Variants in SNRNP70 observed in about 807,000 individuals in gnomAD.
SNRNP70 encodes the protein small nuclear ribonucleoprotein U1 subunit 70.
SNRNP70 carries 8 observed loss-of-function variants against 50.5 expected under a neutral mutation model. That is an observed-to-expected ratio of 0.16 (90% CI 0.09 to 0.29). SNRNP70 has a LOEUF of 0.29. SNRNP70 is among the 10% of genes least tolerant of loss of function. The pLI is 1.00. For missense variants in SNRNP70, 529 were observed against 663.5 expected (o/e 0.80, Z 2.23); for synonymous variants, 320 against 252.9 (o/e 1.27, Z -2.52).
At chr19:49,091,628 T>C (rs540904422) in intron 4 of SNRNP70, among the ~76,000 whole-genome samples, 2 of 152,274 alleles carry the variant, frequency 1.3e-5, no homozygotes, top group Admixed American at 6.5e-5. Context: ...ATGACTCTAG[T>C]GAGAAGACAG....
chr19:49,108,599 T>G lies in SNRNP70; in HGVS notation c.*156T>G. ...GGATTTAAAAATAAAATTAATTTCC[T>G]GTTGATAGTGGGCACCTCGGTTTCT... is the stretch of plus-strand genomic sequence containing the variant. On this transcript the variant is annotated 3_prime_UTR_variant, in exon 10 of 10. Coordinates refer to ENST00000598441, the MANE Select transcript of SNRNP70 (RefSeq NM_003089.6). 1.0e-6 allele frequency: 1 copy of G among 985,210 alleles called. No homozygotes were observed. The highest frequency in any genetic ancestry group is 1.7e-5 in the South Asian group (1 of 57,974). The allele number at this position is 985,210 out of a possible 1,614,324, so 61.0% of individuals were successfully genotyped here. A position where few individuals can be genotyped will look rare whatever the true frequency, so the allele number is the denominator to read the frequency against.
At position 49,104,625 on chromosome 19, in the gene SNRNP70, C is replaced by G. The variant is rs1568423028; in HGVS notation, c.476-9C>G. 1.9e-6 allele frequency: 3 copies of G among 1,551,356 alleles called. No homozygotes were observed. Among genetic ancestry groups the G allele is most frequent in the Non-Finnish European group, 2.6e-6 (3 of 1,146,680 alleles). ...TCCTCTCCCCTCCCCCTCCCCACAT[C>G]TGTTACAGCCGCTTACAAACACGCA... On this transcript the variant is annotated splice_polypyrimidine_tract_variant and intron_variant, in intron 7 of 9. Transcript: ENST00000598441. This position sits in a 1 kb window ranked among gnomAD's most constrained non-coding sequence, Gnocchi z 5.4.
intron 7 of SNRNP70, chr19:49,102,282 G>A (rs1199153750): frequency 1.6e-5 from 11 of 699,922 alleles, no homozygotes; most frequent in African/African-American, 5.6e-5. Context: ...CACCCCAGTC[G>A]CCCCCGTAGC....
At position 49,108,472 on chromosome 19, in the gene SNRNP70, T is replaced by C. The variant is rs749587517; in HGVS notation, c.*29T>C. 38 of 1,563,604 alleles carry C rather than the reference T, an allele frequency of 2.4e-5. No individual in the cohort carries two copies. Among genetic ancestry groups the C allele is most frequent in the Non-Finnish European group, 3.2e-5 (37 of 1,155,554 alleles). On this transcript the variant is annotated 3_prime_UTR_variant, in exon 10 of 10. Coordinates refer to ENST00000598441, the MANE Select transcript of SNRNP70 (RefSeq NM_003089.6). ...GGTCGTCCTCTCCATCTGCTGTGTT[T>C]GGACGCGTTCCTGCCCAGCCCCTTG...
At chr19:49,097,124 C>G (rs1568420056) in intron 4 of SNRNP70, among the ~76,000 whole-genome samples, 1 of 145,558 alleles carries the variant, frequency 6.9e-6, no homozygotes, top group Non-Finnish European at 1.5e-5. Flanking sequence ...GAGCAAGACT[C>G]TGTTTAAAAA....
At chr19:49,102,157 C>A in intron 7 of SNRNP70, 1 of 1,289,580 alleles carries the variant, frequency 7.8e-7, no homozygotes, top group Non-Finnish European at 1.0e-6. Flanking sequence ...GCTCCCCTTA[C>A]AACACCTCAG....
chr19:49,101,615 T>A, intron 7 of SNRNP70, 144 bp downstream of exon 7: 1 of 619,856 alleles, frequency 1.6e-6, no homozygotes, highest in Non-Finnish European at 2.9e-6. Flanking sequence ...TTCTGATGTA[T>A]CTTTTTTTTT....
chr19:49,105,632 C>T (rs1272976795), intron 8 of SNRNP70, among the ~76,000 whole-genome samples: 4 of 151,922 alleles, frequency 2.6e-5, no homozygotes, highest in African/African-American at 9.7e-5. Flanking sequence ...GAGGCTGAGG[C>T]AGAGAATTGC....
intron 6 of SNRNP70, among the ~76,000 whole-genome samples, chr19:49,100,883 GTCC>G (rs1337193893): frequency 3.3e-5 from 5 of 150,208 alleles, no homozygotes; most frequent in African/African-American, 9.8e-5. Flanking sequence ...TTCCATTTGT[GTCC>G]TCCTGACTCC....
rs1419262736 is a variant in SNRNP70 at position 49,108,158 on chromosome 19, A to G, written c.1029A>G (p.Pro343=). The G allele has an allele frequency of 4.5e-6, 7 of 1,543,532 alleles. No homozygotes were observed. The Admixed American group carries it at 1.4e-4, about 32-fold the overall frequency. Residue 343 remains proline (P), a synonymous_variant, in exon 10 of 10, where the codon CCA becomes CCG. Coordinates refer to ENST00000598441, the MANE Select transcript of SNRNP70 (RefSeq NM_003089.6). Reference sequence around the variant, plus strand: ...TCGGGCCTGACGGCCCTGACGGTCCAGAGGAAAAGGGCCGGGATCGTGACC... The same window carrying G: ...TCGGGCCTGACGGCCCTGACGGTCCGGAGGAAAAGGGCCGGGATCGTGACC... ...GELGPDGPDG[P]EEKGRDRDRE...
chr19:49,104,837 A>C lies in SNRNP70; in HGVS notation c.577+102A>C. 2 of 677,620 alleles carry C rather than the reference A, an allele frequency of 3.0e-6. No individual in the cohort carries two copies. Among genetic ancestry groups the C allele is most frequent in the East Asian group, 3.0e-5 (1 of 33,098 alleles). 42.0% of individuals were successfully genotyped at this position (677,620 alleles called of 1,614,324 possible). A position where few individuals can be genotyped will look rare whatever the true frequency, so the allele number is the denominator to read the frequency against. ...CTGCTTCTCTGTCTCCTGCCGGCCCACCTCTCCCATCGCGTCCTCATCTCC... is the reference window on the plus strand; with the variant it reads ...CTGCTTCTCTGTCTCCTGCCGGCCCCCCTCTCCCATCGCGTCCTCATCTCC... On this transcript the variant is annotated intron_variant, in intron 8 of 9. Coordinates refer to ENST00000598441, the MANE Select transcript of SNRNP70 (RefSeq NM_003089.6). This position sits in a 1 kb window ranked among gnomAD's most constrained non-coding sequence, Gnocchi z 5.4.
chr19:49,101,221 C>G (rs1164123596), intron 6 of SNRNP70, among the ~76,000 whole-genome samples, 169 bp from the exon 7 acceptor site: 1 of 152,252 alleles, frequency 6.6e-6, no homozygotes, highest in African/African-American at 2.4e-5. Flanking sequence ...GAAGCCGCCT[C>G]TGTGTCCTCT....
At position 49,108,107 on chromosome 19, in the gene SNRNP70, C is replaced by G; in HGVS notation, c.978C>G (p.Pro326=). 1 of 1,550,076 alleles carries G rather than the reference C, an allele frequency of 6.5e-7. No individual in the cohort carries two copies. Among genetic ancestry groups the G allele is most frequent in the Non-Finnish European group, 8.7e-7 (1 of 1,148,214 alleles). The change falls in exon 10 of 10, where the codon CCC becomes CCG. Residue 326 remains proline, a synonymous_variant. Transcript: ENST00000598441. ...MAEPSEAGDA[P]PDDGPPGELG... ...AGCCCTCCGAGGCGGGTGACGCGCC[C>G]CCTGATGATGGGCCTCCAGGGGAGC...
At chr19:49,093,987 C>T (rs1275732069) in intron 4 of SNRNP70, among the ~76,000 whole-genome samples, 1 of 152,110 alleles carries the variant, frequency 6.6e-6, no homozygotes, top group Non-Finnish European at 1.5e-5. Flanking sequence ...AGCGCCATTA[C>T]ACTCCAGCCC....
chr19:49,102,036 TGGGTGGGGGA>T, intron 7 of SNRNP70: 1 of 501,796 alleles, frequency 2.0e-6, no homozygotes, highest in East Asian at 1.2e-4. Context: ...TGGGCAGGGA[TGGGTGGGGGA>T]GGGTGGGCAG....
At chr19:49,086,133 G>A (rs1022264062) in intron 1 of SNRNP70, among the ~76,000 whole-genome samples, 4 of 152,018 alleles carry the variant, frequency 2.6e-5, no homozygotes, top group South Asian at 4.2e-4. Flanking sequence ...GAACCTCTCC[G>A]CCCCACAGCT....
intron 4 of SNRNP70, among the ~76,000 whole-genome samples, chr19:49,092,024 T>A (rs1358973059): frequency 6.6e-6 from 1 of 152,212 alleles, no homozygotes; most frequent in African/African-American, 2.4e-5. Flanking sequence ...CTTCTTTTCA[T>A]GTCCATCATC....
Position 49,101,383 on chromosome 19 carries a change from C to G in SNRNP70, c.394-7C>G, listed in dbSNP as rs2040583799. Reference sequence around the variant, plus strand: ...AGGACTCACCCCTGTCCCCATGTGCCCCACAGATACACATGGTCTACAGTA... The same window carrying G: ...AGGACTCACCCCTGTCCCCATGTGCGCCACAGATACACATGGTCTACAGTA... On this transcript the variant is annotated splice_polypyrimidine_tract_variant and splice_region_variant and intron_variant, in intron 6 of 9. Transcript: ENST00000598441. The G allele has an allele frequency of 6.2e-7, 1 of 1,610,942 alleles. No homozygotes were observed. Among genetic ancestry groups the G allele is most frequent in the Non-Finnish European group, 8.5e-7 (1 of 1,177,128 alleles).
intron 4 of SNRNP70, among the ~76,000 whole-genome samples, chr19:49,096,207 A>G (rs535261306): frequency 6.6e-6 from 1 of 151,776 alleles, no homozygotes; most frequent in Non-Finnish European, 1.5e-5. Context: ...ATAGGCGCAC[A>G]CCACCATGCC....
Sources: gnomAD v4.1 joint callset for allele counts (sites outside exome capture counted in the v4.1 genomes callset) on GRCh38, gnomAD v4.1.1 for gene constraint, Gnocchi (gnomAD v3.1) non-coding constraint, MANE v1.5 for transcripts, NCBI Gene and HGNC (gene_info 2026-07-23, HGNC 2026-07-21) for gene names.